TRAPPC9: variants seen among roughly 807,000 people sequenced by gnomAD.
The protein encoded by TRAPPC9 is IKK2 binding protein.
A neutral mutation model predicts 124.0 loss-of-function variants in TRAPPC9; 83 were observed. That is an observed-to-expected ratio of 0.67 (90% CI 0.56 to 0.80). TRAPPC9 has a LOEUF of 0.80. TRAPPC9 is among the 30% of genes least tolerant of loss of function. TRAPPC9 has a pLI of 0.00. For missense variants in TRAPPC9, 1,302 were observed against 1,508.3 expected, an observed-to-expected ratio of 0.86 and a Z score of 2.27; for synonymous variants, 638 against 617.5, an observed-to-expected ratio of 1.03 and a Z score of -0.49.
chr8:140,176,349 G>A (rs538846356), intron 17 of TRAPPC9, among the ~76,000 whole-genome samples: 35 of 152,204 alleles, frequency 2.3e-4, no homozygotes, highest in African/African-American at 7.2e-4. Context: ...CTCCAGCAAC[G>A]AGTGACCTGC....
intron 15 of TRAPPC9, among the ~76,000 whole-genome samples, chr8:140,258,185 T>C (rs1287972633): frequency 6.6e-6 from 1 of 152,008 alleles, no homozygotes; most frequent in Non-Finnish European, 1.5e-5. Context: ...CCAGAGAAAC[T>C]CCCCGGAGAG....
chr8:140,186,503 T>C (rs2062357713), intron 17 of TRAPPC9, among the ~76,000 whole-genome samples: 1 of 152,098 alleles, frequency 6.6e-6, no homozygotes, highest in South Asian at 2.1e-4. Flanking sequence ...GTAGAATTGC[T>C]TGAACCCGGG....
intron 12 of TRAPPC9, among the ~76,000 whole-genome samples, chr8:140,289,973 A>C (rs1281811903): frequency 6.6e-6 from 1 of 152,176 alleles, no homozygotes; most frequent in Non-Finnish European, 1.5e-5. Flanking sequence ...AACAGCCACC[A>C]CGTGTCCACC....
chr8:140,323,037 A>G (rs886328359), intron 9 of TRAPPC9, among the ~76,000 whole-genome samples: 4 of 152,226 alleles, frequency 2.6e-5, no homozygotes, highest in African/African-American at 7.2e-5. Flanking sequence ...GGTCACCAGA[A>G]AGACCAAGGC....
intron 9 of TRAPPC9, among the ~76,000 whole-genome samples, chr8:140,316,166 G>C (rs1017470675): frequency 6.6e-6 from 1 of 152,166 alleles, no homozygotes; most frequent in Non-Finnish European, 1.5e-5. Flanking sequence ...AAACTTTCAG[G>C]ACTCATGGAG....
At chr8:139,848,423 T>C (rs753941937) in intron 21 of TRAPPC9, among the ~76,000 whole-genome samples, 1 of 152,150 alleles carries the variant, frequency 6.6e-6, no homozygotes, top group African/African-American at 2.4e-5. Context: ...CGGTGATAGA[T>C]TGATTGCCTG....
rs536787964 is a variant in TRAPPC9, at chr8:139,731,216, C to G, written c.3292G>C (p.Gly1098Arg). 77 of 1,613,418 alleles carry G rather than the reference C, an allele frequency of 4.8e-5. 3 individuals are homozygous for G. In the South Asian group the frequency reaches 7.6e-4, roughly 16 times the overall value. The change falls in exon 23 of 23, where the codon GGC (glycine) becomes CGC (arginine). Residue 1098 changes from glycine (G) to arginine (R), a missense_variant. Gly to Arg is a moderately radical substitution (Grantham distance 125, BLOSUM62 -2). This residue lies in a region of TRAPPC9 where 640 missense variants were observed against 679.3 expected (regional missense o/e 0.94). Coordinates refer to ENST00000438773, the MANE Select transcript of TRAPPC9 (RefSeq NM_001160372.4). ...AGGGCCCCGAGGCAGGCCGACTGGC[C>G]GGACGGCTGCACCTGAGCAGGGAGG... ...TFYLDAVQPS[G>R]QSACLGALLF...
chr8:139,999,893 T>C (rs991718759), intron 18 of TRAPPC9, among the ~76,000 whole-genome samples: 2 of 152,158 alleles, frequency 1.3e-5, no homozygotes, highest in Non-Finnish European at 2.9e-5. Context: ...TATATCAAAA[T>C]TCTGTGACTG....
chr8:140,283,969 C>A lies in TRAPPC9; in HGVS notation c.2034G>T (p.Leu678=), dbSNP rs756031831. The A allele has an allele frequency of 1.2e-6, 2 of 1,614,140 alleles. No homozygotes were observed. Among genetic ancestry groups the A allele is most frequent in the South Asian group, 2.2e-5 (2 of 91,082 alleles). The change falls in exon 14 of 23, where the codon CTG becomes CTT. Residue 678 remains leucine, a synonymous_variant. Transcript: ENST00000438773. ...TGGAGCCACTGGTTTTTATTCCCGG[C>A]AGGTTATCCAGCAAACAGTCACTGA... ...GVFSDCLLDN[L]PGIKTSGSTV... is the part of the protein sequence containing the mutation.
At chr8:139,770,208 G>A (rs1478577754) in intron 21 of TRAPPC9, among the ~76,000 whole-genome samples, 2 of 152,256 alleles carry the variant, frequency 1.3e-5, no homozygotes, top group Non-Finnish European at 2.9e-5. Flanking sequence ...GCCTGGCTCA[G>A]AGGGCAGTGG....
chr8:140,062,024 G>A (rs781588218), intron 17 of TRAPPC9, among the ~76,000 whole-genome samples: 14 of 152,130 alleles, frequency 9.2e-5, no homozygotes, highest in Admixed American at 2.0e-4. Context: ...GCAGGTGTGC[G>A]CACACTCAAA....
At chr8:139,814,641 G>A (rs1303523974) in intron 21 of TRAPPC9, among the ~76,000 whole-genome samples, 2 of 152,194 alleles carry the variant, frequency 1.3e-5, no homozygotes, top group South Asian at 2.1e-4. Context: ...ATAAGTAGCA[G>A]GGCTAGAACC....
chr8:140,305,276 T>C (rs889819820), intron 10 of TRAPPC9, among the ~76,000 whole-genome samples: 1 of 152,148 alleles, frequency 6.6e-6, no homozygotes, highest in Admixed American at 6.5e-5. Context: ...TACTTTCCCC[T>C]CACTCTGGTT....
intron 21 of TRAPPC9, among the ~76,000 whole-genome samples, chr8:139,782,852 T>C (rs1426836845): frequency 1.3e-5 from 2 of 152,206 alleles, no homozygotes; most frequent in Non-Finnish European, 1.5e-5. Flanking sequence ...GGATGTTCCC[T>C]GACAACAATG....
chr8:140,163,366 G>T (rs1353440155), intron 17 of TRAPPC9, among the ~76,000 whole-genome samples: 1 of 152,200 alleles, frequency 6.6e-6, no homozygotes, highest in Non-Finnish European at 1.5e-5. Context: ...GCAGTCCTGG[G>T]CCTAGTCAGC....
At chr8:140,307,984 T>C (rs1434923412) in intron 10 of TRAPPC9, among the ~76,000 whole-genome samples, 1 of 152,176 alleles carries the variant, frequency 6.6e-6, no homozygotes, top group Non-Finnish European at 1.5e-5. Context: ...GCTGAAATAA[T>C]TCCTAACTTA....
intron 17 of TRAPPC9, among the ~76,000 whole-genome samples, chr8:140,078,462 T>C (rs888992891): frequency 6.6e-6 from 1 of 152,116 alleles, no homozygotes; most frequent in Non-Finnish European, 1.5e-5. Context: ...GTGAGGTACA[T>C]GGCTGAACAC....
rs1300697615 is a variant in TRAPPC9, at chr8:139,770,323, C to T, written c.3056-38121G>A. 3.3e-5 allele frequency among the ~76,000 whole-genome samples: 5 copies of T among 152,258 alleles called. No homozygotes were observed. The East Asian group carries it at 7.7e-4, about 23-fold the overall frequency. On this transcript the variant is annotated intron_variant, in intron 21 of 22. Transcript: ENST00000438773. Reference sequence around the variant, plus strand: ...TGAAGAAGCCCTGGCTCCCGGAAGCCGGTCCTCACCGTGGCTCCCCGCATT... The same window carrying T: ...TGAAGAAGCCCTGGCTCCCGGAAGCTGGTCCTCACCGTGGCTCCCCGCATT...
At chr8:140,294,107 C>A (rs534536959) in intron 11 of TRAPPC9, among the ~76,000 whole-genome samples, 1 of 151,994 alleles carries the variant, frequency 6.6e-6, no homozygotes, top group Non-Finnish European at 1.5e-5. Flanking sequence ...AACTGAGATT[C>A]GAACTCCAGT....
Sources: gnomAD v4.1 joint callset for allele counts (sites outside exome capture counted in the v4.1 genomes callset) on GRCh38, gnomAD v4.1.1 for gene constraint, gnomAD v4.1.1 regional missense constraint, MANE v1.5 for transcripts, NCBI Gene and HGNC (gene_info 2026-07-23, HGNC 2026-07-21) for gene names.